ACSM2A: variants seen among roughly 807,000 people sequenced by gnomAD.
The protein encoded by ACSM2A is acyl-coenzyme A synthetase ACSM2A, mitochondrial.
A neutral mutation model predicts 76.6 loss-of-function variants in ACSM2A; 72 were observed. The observed-to-expected ratio is 0.94, with a 90% CI of 0.78 to 1.14. The LOEUF (loss-of-function observed/expected upper bound fraction) is 1.14, where lower values mean the gene tolerates loss of function less well. Ranked by LOEUF, ACSM2A falls within the 50% of genes most tolerant of loss-of-function variation. The pLI, the probability that ACSM2A is intolerant of heterozygous loss-of-function variation, is 0.00. For missense variants in ACSM2A, 684 were observed against 708.5 expected (o/e 0.97, Z 0.39); for synonymous variants, 249 against 255.9 (o/e 0.97, Z 0.26).
intron 2 of ACSM2A, among the ~76,000 whole-genome samples, chr16:20,462,679 T>C (rs551190660): frequency 3.5e-4 from 53 of 152,304 alleles, no homozygotes; most frequent in African/African-American, 1.3e-3. Flanking sequence ...GCGAAGGGTC[T>C]ATTTTACAAT....
At chr16:20,463,938 T>G (rs947168189) in intron 2 of ACSM2A, among the ~76,000 whole-genome samples, 5 of 152,264 alleles carry the variant, frequency 3.3e-5, no homozygotes, top group Middle Eastern at 3.4e-3. Flanking sequence ...AATGCTCTGT[T>G]GCTTAAAAAT....
Position 20,486,833 on chromosome 16 carries a change from T to G in ACSM2A, c.*155T>G. The G allele has an allele frequency of 1.1e-6, 1 of 885,280 alleles. No homozygotes were observed. The allele number at this position is 885,280 out of a possible 1,614,324, so 54.8% of individuals were successfully genotyped here. On this transcript the variant is annotated 3_prime_UTR_variant, in exon 14 of 14. Transcript: ENST00000573854. Reference sequence around the variant, plus strand: ...GTTATTAGCACAAAACTTTACCATGTTAGATGTTGAAAGAAGAAAGGGAAG... The same window carrying G: ...GTTATTAGCACAAAACTTTACCATGGTAGATGTTGAAAGAAGAAAGGGAAG...
intron 3 of ACSM2A, among the ~76,000 whole-genome samples, chr16:20,465,981 C>T (rs1380960981): frequency 6.6e-6 from 1 of 152,120 alleles, no homozygotes; most frequent in Non-Finnish European, 1.5e-5. Context: ...AGCTCTTAAA[C>T]TATTAATTGC....
At chr16:20,462,707 A>G (rs1383154175) in intron 2 of ACSM2A, among the ~76,000 whole-genome samples, 7 of 152,138 alleles carry the variant, frequency 4.6e-5, no homozygotes, top group Non-Finnish European at 1.0e-4. Context: ...AGAAATTAGA[A>G]CCCTTATGCA....
chr16:20,465,718 A>G lies in ACSM2A; in HGVS notation c.379A>G (p.Ile127Val). Residue 127 changes from isoleucine to valine, a missense_variant, in exon 3 of 14, where the codon ATT (isoleucine) becomes GTT (valine). Coordinates refer to ENST00000573854, the MANE Select transcript of ACSM2A (RefSeq NM_001308172.2). ...GTGGTGGCTGGTGATCCTGGGCTGC[A>G]TTCGAGCAGGTTGGTAACTGACTAC... The part of the protein sequence containing the change: ...PEWWLVILGC[I>V]RAGLIFMPGT... 1.2e-6 allele frequency: 2 copies of G among 1,613,794 alleles called. No individual in the cohort carries two copies. Among genetic ancestry groups the G allele is most frequent in the Non-Finnish European group, 1.7e-6 (2 of 1,179,734 alleles).
intron 1 of ACSM2A, among the ~76,000 whole-genome samples, chr16:20,458,905 CAT>C (rs72108144): frequency 0.2 from 15,089 of 74,498 alleles, 853 homozygotes; most frequent in African/African-American, 0.24. Context: ...TATATATATG[CAT>C]ATATATATAT....
At chr16:20,466,744 C>G (rs1313344265) in intron 3 of ACSM2A, among the ~76,000 whole-genome samples, 4 of 152,234 alleles carry the variant, frequency 2.6e-5, no homozygotes, top group Non-Finnish European at 4.4e-5. Context: ...GTAGTGCAAG[C>G]TGGTCCATCA....
chr16:20,484,663 G>C (rs1008127539), intron 13 of ACSM2A, among the ~76,000 whole-genome samples: 4 of 149,836 alleles, frequency 2.7e-5, no homozygotes, highest in African/African-American at 9.9e-5. Flanking sequence ...CTGTGACTTA[G>C]TCTCAATGGG....
At chr16:20,486,446 T>C in intron 13 of ACSM2A, 128 bp from the exon 14 acceptor site, 1 of 967,164 alleles carries the variant, frequency 1.0e-6, no homozygotes, top group Non-Finnish European at 1.6e-6. Flanking sequence ...AAGCTTCTTA[T>C]TGCACAGGGC....
rs560976919 is a variant in ACSM2A, at chr16:20,484,873, G to A, written c.1629+1696G>A. 1.1e-3 allele frequency among the ~76,000 whole-genome samples: 170 copies of A among 152,254 alleles called. 1 individual carries two copies. Among genetic ancestry groups the A allele is most frequent in the African/African-American group, 4.0e-3 (167 of 41,526 alleles). ...CAATCCTCATATTGGTCTGGCAGTG[G>A]GGTGGGACTTCTTTGTCCCTGGAGG... On this transcript the variant is annotated intron_variant, in intron 13 of 13. Transcript: ENST00000573854.
At chr16:20,463,412 A>T (rs1045590942) in intron 2 of ACSM2A, among the ~76,000 whole-genome samples, 3 of 151,384 alleles carry the variant, frequency 2.0e-5, no homozygotes, top group Non-Finnish European at 4.4e-5. Context: ...GCCTGGTGGA[A>T]GACATTTGGA....
chr16:20,468,803 T>C (rs1323611112), intron 3 of ACSM2A, among the ~76,000 whole-genome samples: 3 of 152,240 alleles, frequency 2.0e-5, no homozygotes, highest in Non-Finnish European at 2.9e-5. Context: ...TGTTTTAAGA[T>C]AAATTGTACA....
rs1055007 is a variant in ACSM2A, at chr16:20,486,824, T to A, written c.*146T>A. On this transcript the variant is annotated 3_prime_UTR_variant, in exon 14 of 14. Transcript: ENST00000573854. ...CTTGCCTTGGTTATTAGCACAAAAC[T>A]TTACCATGTTAGATGTTGAAAGAAG... The A allele has an allele frequency of 3.1e-6, 3 of 959,502 alleles. No homozygotes were observed. Among genetic ancestry groups the A allele is most frequent in the Non-Finnish European group, 4.7e-6 (3 of 633,082 alleles). 59.4% of individuals were successfully genotyped at this position (959,502 alleles called of 1,614,324 possible).
intron 12 of ACSM2A, chr16:20,482,145 A>AG (rs2014123158): frequency 1.3e-5 from 2 of 152,446 alleles, no homozygotes; most frequent in Admixed American, 6.6e-5. Context: ...AAAAAAAAAA[A>AG]AAAAAAAAAA....
chr16:20,460,672 G>GTC (rs1361990536), intron 2 of ACSM2A, among the ~76,000 whole-genome samples: 1 of 146,750 alleles, frequency 6.8e-6, no homozygotes, highest in Non-Finnish European at 1.5e-5. Context: ...GCGAGACTCT[G>GTC]TCTCTACCAA....
At chr16:20,480,044 G>A (rs912176952) in intron 10 of ACSM2A, among the ~76,000 whole-genome samples, 6 of 152,210 alleles carry the variant, frequency 3.9e-5, no homozygotes, top group Non-Finnish European at 5.9e-5. Flanking sequence ...GCACTGACAA[G>A]GGATAAACCT....
intron 9 of ACSM2A, 112 bp downstream of exon 9, chr16:20,477,561 A>G (rs1195857916): frequency 6.1e-5 from 88 of 1,450,032 alleles, no homozygotes; most frequent in Non-Finnish European, 7.5e-5. Context: ...TGATATTAAG[A>G]TAACATAAGA....
intron 6 of ACSM2A, chr16:20,474,159 T>C: frequency 5.3e-6 from 2 of 380,218 alleles, no homozygotes; most frequent in Non-Finnish European, 1.0e-5. Context: ...TCTCAGGACA[T>C]CCTGAGGGCT....
At chr16:20,469,434 G>C in intron 3 of ACSM2A, 78 bp from the exon 4 acceptor site, 1 of 1,593,632 alleles carries the variant, frequency 6.3e-7, no homozygotes, top group Non-Finnish European at 8.6e-7. Flanking sequence ...CTTGCTCGCT[G>C]CTTGATGTTT....
Sources: gnomAD v4.1 joint callset for allele counts (sites outside exome capture counted in the v4.1 genomes callset) on GRCh38, gnomAD v4.1.1 for gene constraint, MANE v1.5 for transcripts, NCBI Gene and HGNC (gene_info 2026-07-23, HGNC 2026-07-21) for gene names.